Variants in DLC1 observed in about 807,000 individuals in gnomAD.
DLC1 encodes rho GTPase-activating protein 7.
Under a neutral mutation model 140.3 loss-of-function variants are expected in DLC1, and 54 were observed. The ratio of observed to expected loss-of-function variants is 0.38; its 90% CI spans 0.31 to 0.48. DLC1 has a LOEUF of 0.48. Ranked by LOEUF, DLC1 falls within the 20% of genes least tolerant of loss-of-function variation. The pLI is 0.96. For missense variants in DLC1, 2,536 were observed against 1,907.0 expected (o/e 1.33, Z -6.14); for synonymous variants, 986 against 728.1 (o/e 1.35, Z -5.70).
chr8:13,528,765 A>G (rs754062292), intron 1 of DLC1, among the ~76,000 whole-genome samples: 10 of 152,266 alleles, frequency 6.6e-5, no homozygotes, highest in Non-Finnish European at 1.2e-4. Flanking sequence ...AAAACACCAC[A>G]TTTGACTTTA....
intron 5 of DLC1, among the ~76,000 whole-genome samples, chr8:13,219,265 A>G (rs1402021453): frequency 7.2e-6 from 1 of 138,380 alleles, no homozygotes; most frequent in Non-Finnish European, 1.5e-5. Context: ...GAATATAACT[A>G]TATAATTATA....
chr8:13,321,806 G>A (rs1833136858), intron 4 of DLC1, among the ~76,000 whole-genome samples: 1 of 152,118 alleles, frequency 6.6e-6, no homozygotes, highest in South Asian at 2.1e-4. Flanking sequence ...AGGCTGTCTT[G>A]ATAATAATTC....
At chr8:13,252,120 TG>T (rs1830032891) in intron 5 of DLC1, among the ~76,000 whole-genome samples, 1 of 152,194 alleles carries the variant, frequency 6.6e-6, no homozygotes, top group Non-Finnish European at 1.5e-5. Context: ...TCTCTAATTT[TG>T]TCATTGAACT....
At chr8:13,231,442 A>T (rs1304445993) in intron 5 of DLC1, among the ~76,000 whole-genome samples, 1 of 152,214 alleles carries the variant, frequency 6.6e-6, no homozygotes, top group Non-Finnish European at 1.5e-5. Context: ...GATGATTTCT[A>T]GAGTTTCTAT....
intron 5 of DLC1, among the ~76,000 whole-genome samples, chr8:13,199,572 C>A (rs1289435996): frequency 6.6e-6 from 1 of 152,094 alleles, no homozygotes; most frequent in African/African-American, 2.4e-5. Context: ...TCCCTTCTGT[C>A]TATTGTATTT....
At chr8:13,422,102 C>A (rs914388967) in intron 2 of DLC1, among the ~76,000 whole-genome samples, 1 of 152,012 alleles carries the variant, frequency 6.6e-6, no homozygotes, top group African/African-American at 2.4e-5. Flanking sequence ...AGTCAGAGAG[C>A]TTAAGAAAAA....
intron 1 of DLC1, among the ~76,000 whole-genome samples, chr8:13,548,470 G>T (rs1044506708): frequency 2.6e-5 from 4 of 151,928 alleles, no homozygotes; most frequent in African/African-American, 9.7e-5. Context: ...TAGTGAAGTA[G>T]GTATGCAGAT....
chr8:13,559,332 C>G (rs995806695), intron 1 of DLC1: 2 of 152,186 alleles, frequency 1.3e-5, no homozygotes, highest in East Asian at 3.8e-4. Flanking sequence ...ATGGAAGGCT[C>G]TAAAGAAACA....
chr8:13,359,046 C>G (rs1027957604), intron 4 of DLC1, among the ~76,000 whole-genome samples: 1 of 152,208 alleles, frequency 6.6e-6, no homozygotes, highest in African/African-American at 2.4e-5. Context: ...TCACGCCATT[C>G]TCCTGCCTCA....
intron 5 of DLC1, among the ~76,000 whole-genome samples, chr8:13,121,504 T>C (rs757636829): frequency 6.6e-6 from 1 of 152,142 alleles, no homozygotes; most frequent in South Asian, 2.1e-4. Flanking sequence ...GAAATCTTGG[T>C]GACTCCCAGC....
intron 5 of DLC1, chr8:13,116,145 C>A (rs772104431): frequency 4.9e-5 from 48 of 986,528 alleles, no homozygotes; most frequent in Non-Finnish European, 4.9e-5. Context: ...AAGCCCCTGA[C>A]CTTGTGTTGT....
chr8:13,452,277 A>G (rs1799101379), intron 2 of DLC1, among the ~76,000 whole-genome samples: 1 of 152,088 alleles, frequency 6.6e-6, no homozygotes, highest in African/African-American at 2.4e-5. Context: ...ATTGTACTCA[A>G]TCAGCTTATA....
At chr8:13,337,228 A>G (rs553712035) in intron 4 of DLC1, among the ~76,000 whole-genome samples, 2 of 152,286 alleles carry the variant, frequency 1.3e-5, no homozygotes, top group Admixed American at 6.5e-5. Context: ...TAGAATGTGG[A>G]TATCATTTCC....
intron 2 of DLC1, among the ~76,000 whole-genome samples, chr8:13,415,115 G>A (rs957705491): frequency 1.3e-5 from 2 of 151,786 alleles, no homozygotes; most frequent in Non-Finnish European, 2.9e-5. Flanking sequence ...CCTGGCCCAC[G>A]ATGTTATTTT....
intron 2 of DLC1, among the ~76,000 whole-genome samples, chr8:13,467,961 A>G (rs1800016391): frequency 6.6e-6 from 1 of 152,094 alleles, no homozygotes; most frequent in Non-Finnish European, 1.5e-5. Context: ...TCTGTTTAAT[A>G]TTTTGTTTAT....
chr8:13,458,522 T>G (rs1331345942), intron 2 of DLC1, among the ~76,000 whole-genome samples: 2 of 152,174 alleles, frequency 1.3e-5, no homozygotes, highest in Non-Finnish European at 2.9e-5. Context: ...AAATGCTAAG[T>G]TGGCATTTGA....
At chr8:13,174,876 G>T (rs764213513) in intron 5 of DLC1, among the ~76,000 whole-genome samples, 1 of 152,044 alleles carries the variant, frequency 6.6e-6, no homozygotes, top group Non-Finnish European at 1.5e-5. Flanking sequence ...GGTCCCACCT[G>T]TCAATTTTTG....
intron 5 of DLC1, among the ~76,000 whole-genome samples, chr8:13,133,830 G>C (rs1010864664): frequency 6.6e-6 from 1 of 152,120 alleles, no homozygotes; most frequent in Non-Finnish European, 1.5e-5. Context: ...GGAAGGGATG[G>C]TCAGTGTTTC....
rs567864599 is a variant in DLC1 at position 13,556,283 on chromosome 8, G to A, written c.-126+48254C>T. Among the ~76,000 whole-genome samples the A allele has an allele frequency of 7.9e-5, 12 of 152,218 alleles. 1 individual carries two copies. The South Asian group carries it at 2.5e-3, about 32-fold the overall frequency. ...CTCCCAGCAGATGCCAATGTCCCTG[G>A]TCCTGGAGCACTAGTCACAAAATCC... On this transcript the variant is annotated intron_variant, in intron 1 of 1. Coordinates refer to the DLC1 transcript ENST00000631382.
Sources: gnomAD v4.1 joint callset for allele counts (sites outside exome capture counted in the v4.1 genomes callset) on GRCh38, gnomAD v4.1.1 for gene constraint, MANE v1.5 for transcripts, NCBI Gene and HGNC (gene_info 2026-07-23, HGNC 2026-07-21) for gene names.